Variants in GGACT observed in about 807,000 individuals in gnomAD.
The protein encoded by GGACT is gamma-glutamylamine cyclotransferase.
For missense variants in GGACT, 241 were observed against 233.2 expected (o/e 1.03, Z -0.22); for synonymous variants, 118 against 115.3 (o/e 1.02, Z -0.15).
chr13:100,543,931 C>G (rs924981055), intron 2 of GGACT, among the ~76,000 whole-genome samples: 4 of 152,208 alleles, frequency 2.6e-5, no homozygotes, highest in African/African-American at 9.6e-5. Context: ...ACCAGACTCA[C>G]GAAGGGCATG....
chr13:100,546,464 T>C (rs2088605748), intron 2 of GGACT, among the ~76,000 whole-genome samples: 1 of 99,626 alleles, frequency 1.0e-5, no homozygotes, highest in South Asian at 5.8e-4. Flanking sequence ...AAAACTGATA[T>C]TGTACAACAT....
intron 1 of GGACT, among the ~76,000 whole-genome samples, chr13:100,586,156 T>C (rs188439222): frequency 1.1e-3 from 168 of 152,266 alleles, no homozygotes; most frequent in African/African-American, 3.8e-3. Flanking sequence ...GAGGTGATAA[T>C]TGTATTATGG....
intron 2 of GGACT, among the ~76,000 whole-genome samples, chr13:100,552,840 A>C (rs899905182): frequency 1.3e-5 from 2 of 152,190 alleles, no homozygotes; most frequent in African/African-American, 4.8e-5. Flanking sequence ...AGAGATGCTG[A>C]GTGCTGCTGA....
Position 100,532,332 on chromosome 13 carries a change from A to G in GGACT, c.260T>C (p.Leu87Pro), listed in dbSNP as rs1258596534. The G allele has an allele frequency of 1.9e-6, 3 of 1,550,250 alleles. No homozygotes were observed. Among genetic ancestry groups the G allele is most frequent in the Non-Finnish European group, 2.6e-6 (3 of 1,146,490 alleles). ...TACCCGCAGCACCGTGCGCTGGTAC[A>G]GGGCCGGGCAACTCTCGAAGTCATC... is the stretch of plus-strand genomic sequence containing the variant. ...FLDDFESCPA[L>P]YQRTVLRVQL... The change falls in exon 3 of 3, where the codon CTG becomes CCG. Residue 87 changes from leucine to proline, a missense_variant. Leu to Pro is a moderately conservative substitution (Grantham distance 98). Coordinates refer to ENST00000683975, the MANE Select transcript of GGACT (RefSeq NM_001195087.2).
chr13:100,544,410 G>A (rs895811655), intron 2 of GGACT, among the ~76,000 whole-genome samples: 8 of 152,230 alleles, frequency 5.3e-5, no homozygotes, highest in African/African-American at 7.2e-5. Flanking sequence ...TGATGCTTTC[G>A]TTTTGTCGCT....
At chr13:100,546,361 C>CAAAAA (rs778470021) in intron 2 of GGACT, among the ~76,000 whole-genome samples, 6 of 54,580 alleles carry the variant, frequency 1.1e-4, no homozygotes, top group African/African-American at 2.9e-4. Context: ...GACTCTGTCT[C>CAAAAA]AAAAAAAAAA....
At chr13:100,565,164 G>A (rs1013134062) in intron 2 of GGACT, among the ~76,000 whole-genome samples, 8 of 152,054 alleles carry the variant, frequency 5.3e-5, no homozygotes, top group African/African-American at 1.4e-4. Context: ...AGAGCGGCTT[G>A]GTGAGATGAA....
intron 2 of GGACT, among the ~76,000 whole-genome samples, chr13:100,561,305 G>C (rs1399339761): frequency 6.6e-6 from 1 of 152,138 alleles, no homozygotes; most frequent in Non-Finnish European, 1.5e-5. Flanking sequence ...CATCTGACTT[G>C]GTAATGGTGG....
intron 2 of GGACT, among the ~76,000 whole-genome samples, chr13:100,579,377 G>A (rs1014387867): frequency 4.6e-5 from 7 of 152,086 alleles, no homozygotes; most frequent in East Asian, 1.9e-4. Context: ...TTTCTCCTGC[G>A]TGTGTCTTGC....
chr13:100,555,955 A>G (rs1249321170), intron 2 of GGACT, among the ~76,000 whole-genome samples: 1 of 152,234 alleles, frequency 6.6e-6, no homozygotes, highest in Non-Finnish European at 1.5e-5. Flanking sequence ...AAAAATTCCT[A>G]GCAAACTGGA....
At chr13:100,577,203 G>C (rs1875272530) in intron 2 of GGACT, among the ~76,000 whole-genome samples, 1 of 152,038 alleles carries the variant, frequency 6.6e-6, no homozygotes, top group African/African-American at 2.4e-5. Flanking sequence ...ATCATCTGAG[G>C]TCAGGAGTTC....
chr13:100,547,113 T>C (rs577619803), intron 2 of GGACT, among the ~76,000 whole-genome samples: 1 of 152,184 alleles, frequency 6.6e-6, no homozygotes, highest in Non-Finnish European at 1.5e-5. Context: ...TCATAGGCCC[T>C]GGATTCAGTG....
At chr13:100,546,725 C>G (rs2088608580) in intron 2 of GGACT, among the ~76,000 whole-genome samples, 1 of 152,172 alleles carries the variant, frequency 6.6e-6, no homozygotes, top group Non-Finnish European at 1.5e-5. Flanking sequence ...TAGTTTTTAA[C>G]AACTAAAACC....
At chr13:100,537,996 G>A (rs1594182937) in intron 2 of GGACT, 1 of 152,264 alleles carries the variant, frequency 6.6e-6, no homozygotes, top group African/African-American at 2.4e-5. Context: ...CTAATTCCCA[G>A]GGAGGACTTC....
intron 2 of GGACT, 73 bp from the exon 3 acceptor site, chr13:100,532,674 G>A (rs1315128896): frequency 8.1e-7 from 1 of 1,237,220 alleles, no homozygotes; most frequent in Non-Finnish European, 1.1e-6. Flanking sequence ...CGTGGCTCCC[G>A]GCCCACAGAG....
At chr13:100,578,189 C>A (rs1875309852) in intron 2 of GGACT, among the ~76,000 whole-genome samples, 1 of 152,226 alleles carries the variant, frequency 6.6e-6, no homozygotes. Context: ...TAGTGGCTAC[C>A]TTCACCTCTA....
chr13:100,532,813 C>A (rs1027089869), intron 2 of GGACT, among the ~76,000 whole-genome samples: 1 of 152,274 alleles, frequency 6.6e-6, no homozygotes, highest in African/African-American at 2.4e-5. Context: ...GCCATTTAAA[C>A]ATGTGAAAGC....
intron 2 of GGACT, among the ~76,000 whole-genome samples, chr13:100,576,602 G>T (rs1244325249): frequency 6.6e-6 from 1 of 152,226 alleles, no homozygotes; most frequent in Non-Finnish European, 1.5e-5. Flanking sequence ...ATGGCGATAA[G>T]AAAGGACATA....
At chr13:100,572,274 C>G (rs117219981) in intron 2 of GGACT, among the ~76,000 whole-genome samples, 1 of 152,062 alleles carries the variant, frequency 6.6e-6, no homozygotes, top group Admixed American at 6.6e-5. Context: ...GAACACTATG[C>G]GAAGCAAAAT....
Sources: allele counts gnomAD v4.1 joint callset (sites outside exome capture counted in the v4.1 genomes callset), GRCh38; gene constraint gnomAD v4.1.1; transcripts MANE v1.5; gene names NCBI Gene and HGNC (gene_info 2026-07-23, HGNC 2026-07-21).